Variants in CNTNAP2 observed in about 807,000 individuals in gnomAD.
CNTNAP2 encodes the protein contactin-associated protein-like 2.
Under a neutral mutation model 155.2 loss-of-function variants are expected in CNTNAP2, and 98 were observed. The ratio of observed to expected loss-of-function variants is 0.63; its 90% confidence interval spans 0.54 to 0.75. The LOEUF (loss-of-function observed/expected upper bound fraction) is 0.75. Among genes scored for constraint, CNTNAP2 ranks in the 30% least tolerant of loss-of-function variants. CNTNAP2 has a pLI of 0.00. For missense variants in CNTNAP2, 1,727 were observed against 1,688.1 expected, an observed-to-expected ratio of 1.02 and a Z score of -0.40; for synonymous variants, 651 against 631.2, an observed-to-expected ratio of 1.03 and a Z score of -0.47.
intron 12 of CNTNAP2, among the ~76,000 whole-genome samples, chr7:147,600,194 A>G (rs1351438005): frequency 1.3e-4 from 20 of 152,166 alleles, no homozygotes; most frequent in Admixed American, 1.2e-3. Context: ...GATCACTCCT[A>G]TGGAACTGAC....
At chr7:148,121,277 C>T (rs981606236) in intron 16 of CNTNAP2, among the ~76,000 whole-genome samples, 5 of 152,172 alleles carry the variant, frequency 3.3e-5, no homozygotes, top group African/African-American at 1.2e-4. Context: ...TCGTGATCCA[C>T]CCGCGTCGGC....
At position 147,375,571 on chromosome 7, in the gene CNTNAP2, G is replaced by T. The variant is rs553070482; in HGVS notation, c.1499-20038G>T. Among the ~76,000 whole-genome samples the T allele has an allele frequency of 2.0e-5, 3 of 152,066 alleles. No individual in the cohort carries two copies. In the East Asian group the frequency reaches 5.8e-4, roughly 29 times the overall value. On this transcript the variant is annotated intron_variant, in intron 9 of 23. Coordinates refer to ENST00000361727, the MANE Select transcript of CNTNAP2 (RefSeq NM_014141.6). ...GTAGGGGGCCCCAGCCAATCTCCAA[G>T]TTTTATCTTCTATACCTTACATTCT...
intron 3 of CNTNAP2, among the ~76,000 whole-genome samples, chr7:146,876,878 A>G (rs1295466120): frequency 6.6e-6 from 1 of 152,134 alleles, no homozygotes; most frequent in Non-Finnish European, 1.5e-5. Flanking sequence ...TGTCATACCC[A>G]TGCATATTGG....
intron 3 of CNTNAP2, among the ~76,000 whole-genome samples, chr7:146,901,063 C>A (rs537902373): frequency 2.7e-5 from 4 of 150,402 alleles, no homozygotes; most frequent in Non-Finnish European, 5.9e-5. Flanking sequence ...AATAATGTTT[C>A]TTTATCTCTG....
At chr7:146,118,628 T>C (rs1797520346) in intron 1 of CNTNAP2, among the ~76,000 whole-genome samples, 1 of 152,142 alleles carries the variant, frequency 6.6e-6, no homozygotes, top group African/African-American at 2.4e-5. Flanking sequence ...TACTTTAATT[T>C]TGATGGGTCC....
At chr7:146,410,538 G>A (rs1795851140) in intron 1 of CNTNAP2, among the ~76,000 whole-genome samples, 1 of 152,012 alleles carries the variant, frequency 6.6e-6, no homozygotes, top group Admixed American at 6.6e-5. Flanking sequence ...GAGACGTGCA[G>A]GCTTGTTATA....
intron 1 of CNTNAP2, among the ~76,000 whole-genome samples, chr7:146,477,764 T>G (rs548938317): frequency 6.6e-6 from 1 of 152,262 alleles, no homozygotes; most frequent in African/African-American, 2.4e-5. Flanking sequence ...ACTGTGATTC[T>G]GCCCAGATTA....
intron 1 of CNTNAP2, among the ~76,000 whole-genome samples, chr7:146,195,543 G>T (rs943860095): frequency 1.3e-5 from 2 of 152,152 alleles, no homozygotes; most frequent in Admixed American, 1.3e-4. Context: ...ATATTTAAAA[G>T]ATACACTAAA....
At chr7:147,206,022 C>T (rs1803017198) in intron 8 of CNTNAP2, among the ~76,000 whole-genome samples, 1 of 151,938 alleles carries the variant, frequency 6.6e-6, no homozygotes, top group Non-Finnish European at 1.5e-5. Flanking sequence ...ATATGTACAA[C>T]TATTATGTAT....
chr7:146,609,912 C>T (rs1799106489), intron 1 of CNTNAP2, among the ~76,000 whole-genome samples: 1 of 152,140 alleles, frequency 6.6e-6, no homozygotes, highest in Non-Finnish European at 1.5e-5. Flanking sequence ...ACATCATCAC[C>T]TGAGTACATG....
chr7:147,929,978 T>C (rs1466305019), intron 14 of CNTNAP2, among the ~76,000 whole-genome samples: 3 of 152,114 alleles, frequency 2.0e-5, no homozygotes, highest in Admixed American at 2.0e-4. Flanking sequence ...ATGCCGTCAC[T>C]GATCTGACAA....
At chr7:148,257,250 C>A (rs1371452167) in intron 20 of CNTNAP2, among the ~76,000 whole-genome samples, 1 of 152,178 alleles carries the variant, frequency 6.6e-6, no homozygotes, top group Non-Finnish European at 1.5e-5. Flanking sequence ...CTGACTTATC[C>A]ATCTGCAGTT....
chr7:147,577,897 T>A (rs1800425957), intron 12 of CNTNAP2, among the ~76,000 whole-genome samples: 1 of 152,102 alleles, frequency 6.6e-6, no homozygotes, highest in Non-Finnish European at 1.5e-5. Flanking sequence ...CTTTGGGAGT[T>A]CCAGATTCTA....
intron 3 of CNTNAP2, among the ~76,000 whole-genome samples, chr7:146,960,821 C>T (rs976647168): frequency 6.6e-6 from 1 of 151,926 alleles, no homozygotes; most frequent in Admixed American, 6.6e-5. Context: ...ATTTAATAGC[C>T]CAGTTATAAA....
intron 21 of CNTNAP2, among the ~76,000 whole-genome samples, chr7:148,364,171 C>G (rs1199049948): frequency 6.6e-6 from 1 of 152,224 alleles, no homozygotes. Context: ...GTCCCATCGA[C>G]CACCCAAGGG....
At chr7:147,743,213 T>C (rs966011117) in intron 13 of CNTNAP2, among the ~76,000 whole-genome samples, 1 of 152,190 alleles carries the variant, frequency 6.6e-6, no homozygotes, top group Non-Finnish European at 1.5e-5. Context: ...TCATATGCGA[T>C]GTCCACTATG....
At chr7:146,577,109 T>C in intron 1 of CNTNAP2, among the ~76,000 whole-genome samples, 1 of 152,266 alleles carries the variant, frequency 6.6e-6, no homozygotes, top group East Asian at 1.9e-4. Flanking sequence ...AATAAATTCT[T>C]ATTACATTAT....
chr7:147,605,489 T>A (rs923620063), intron 12 of CNTNAP2, among the ~76,000 whole-genome samples: 3 of 152,112 alleles, frequency 2.0e-5, no homozygotes, highest in Non-Finnish European at 4.4e-5. Flanking sequence ...GAGCAAAGGT[T>A]ACCTTGTCAT....
intron 11 of CNTNAP2, among the ~76,000 whole-genome samples, chr7:147,537,259 C>T (rs1336881124): frequency 1.4e-5 from 2 of 147,880 alleles, no homozygotes; most frequent in East Asian, 4.0e-4. Context: ...TTTAAAAATG[C>T]AAATACACAG....
Sources: gnomAD v4.1 joint callset for allele counts (sites outside exome capture counted in the v4.1 genomes callset) on GRCh38, gnomAD v4.1.1 for gene constraint, MANE v1.5 for transcripts, NCBI Gene and HGNC (gene_info 2026-07-23, HGNC 2026-07-21) for gene names.